The following ADRA1B variants were observed in gnomAD, a reference collection of about 807,000 sequenced individuals.
ADRA1B encodes alpha-1B adrenergic receptor.
Under a neutral mutation model 17.9 loss-of-function variants are expected in ADRA1B, and 17 were observed. The observed-to-expected ratio is 0.95, with a 90% confidence interval of 0.65 to 1.42. The LOEUF is 1.42. ADRA1B is among the 40% of genes most tolerant of loss of function. The probability of loss-of-function intolerance (pLI) is 0.00; values close to 1 mark genes in which losing one functional copy is unlikely to be tolerated. For synonymous variants in ADRA1B, 366 were observed against 327.6 expected (o/e 1.12, Z -1.27); for missense variants, 681 against 722.1 (o/e 0.94, Z 0.65).
At chr5:159,945,399 C>T (rs1755240833) in intron 1 of ADRA1B, among the ~76,000 whole-genome samples, 1 of 152,098 alleles carries the variant, frequency 6.6e-6, no homozygotes, top group Non-Finnish European at 1.5e-5. Context: ...AGAGAGAAAG[C>T]TGCTCGTTGA....
At chr5:159,889,024 C>T (rs961109531) in intron 1 of ADRA1B, among the ~76,000 whole-genome samples, 4 of 152,160 alleles carry the variant, frequency 2.6e-5, no homozygotes, top group African/African-American at 7.2e-5. Flanking sequence ...TGACTGAAGA[C>T]GCAATTGTAA....
intron 1 of ADRA1B, among the ~76,000 whole-genome samples, chr5:159,903,374 T>C (rs1489506852): frequency 1.3e-5 from 2 of 152,208 alleles, no homozygotes; most frequent in African/African-American, 4.8e-5. Context: ...TGACGCAATA[T>C]ACTAAACTGC....
chr5:159,952,283 A>T (rs1223974219), intron 1 of ADRA1B, among the ~76,000 whole-genome samples: 3 of 152,340 alleles, frequency 2.0e-5, no homozygotes, highest in Non-Finnish European at 4.4e-5. Context: ...TAATTTATAA[A>T]TTAGGCACAG....
intron 1 of ADRA1B, among the ~76,000 whole-genome samples, chr5:159,897,265 A>G (rs1754049503): frequency 6.6e-6 from 1 of 152,138 alleles, no homozygotes; most frequent in African/African-American, 2.4e-5. Context: ...AGGTGGGTGG[A>G]TCATGAGGTC....
At position 159,943,631 on chromosome 5, in the gene ADRA1B, T is replaced by A. The variant is rs550495218; in HGVS notation, c.949+25777T>A. ...AAATTCTTTTATGCTTGCTGTAGGC[T>A]GAGCCTCCACTGAGATGATTGAGAA... On this transcript the variant is annotated intron_variant, in intron 1 of 1. Coordinates refer to ENST00000306675, the MANE Select transcript of ADRA1B (RefSeq NM_000679.4). Among the ~76,000 whole-genome samples the A allele has an allele frequency of 2.0e-5, 3 of 152,228 alleles. No homozygotes were observed. In the South Asian group the frequency reaches 6.2e-4, roughly 32 times the overall value.
At chr5:159,926,546 C>T (rs1174410824) in intron 1 of ADRA1B, among the ~76,000 whole-genome samples, 1 of 152,094 alleles carries the variant, frequency 6.6e-6, no homozygotes, top group Admixed American at 6.5e-5. Flanking sequence ...GTATTTGAAC[C>T]TCCCACGGCC....
At chr5:159,965,535 C>T (rs34080879) in intron 1 of ADRA1B, among the ~76,000 whole-genome samples, 7,566 of 152,282 alleles carry the variant, frequency 0.05, 267 homozygotes, top group East Asian at 0.13. Context: ...ACGATCCCTG[C>T]CACACATCCT....
chr5:159,900,347 A>G lies in ADRA1B; in HGVS notation c.-255-15772A>G, dbSNP rs1754088487. On this transcript the variant is annotated intron_variant, in intron 1 of 2. Coordinates refer to the ADRA1B transcript ENST00000641205. ...GCATTGACATCCTTACAGTGCTCCC[A>G]GAAGTGGAATACATCTTTCCGTTTA... Among the ~76,000 whole-genome samples, 3 of 152,226 alleles carry G rather than the reference A, an allele frequency of 2.0e-5. No individual in the cohort carries two copies. In the South Asian group the frequency reaches 6.2e-4, roughly 31 times the overall value.
chr5:159,970,807 C>T (rs1382311813), intron 1 of ADRA1B, among the ~76,000 whole-genome samples: 1 of 152,158 alleles, frequency 6.6e-6, no homozygotes, highest in Non-Finnish European at 1.5e-5. Context: ...TTTTCGTTTT[C>T]GTTGTTGTTT....
intron 1 of ADRA1B, among the ~76,000 whole-genome samples, chr5:159,893,745 G>A (rs1262870813): frequency 6.6e-6 from 1 of 152,180 alleles, no homozygotes; most frequent in Admixed American, 6.5e-5. Flanking sequence ...CAGGCAGTCG[G>A]GGGCTCAACT....
chr5:159,947,318 G>A (rs563851592), intron 1 of ADRA1B, among the ~76,000 whole-genome samples: 2 of 152,028 alleles, frequency 1.3e-5, no homozygotes, highest in East Asian at 3.9e-4. Context: ...CTCTAGCCTG[G>A]GCAACAGAGC....
chr5:159,925,451 C>T (rs186515239), intron 1 of ADRA1B, among the ~76,000 whole-genome samples: 1 of 152,052 alleles, frequency 6.6e-6, no homozygotes, highest in Non-Finnish European at 1.5e-5. Flanking sequence ...ATTTAGAGGA[C>T]TTTTTTACAG....
intron 1 of ADRA1B, among the ~76,000 whole-genome samples, chr5:159,903,842 G>A (rs1358868455): frequency 6.6e-6 from 1 of 152,088 alleles, no homozygotes; most frequent in East Asian, 1.9e-4. Flanking sequence ...AGCTGGAGGG[G>A]AGGGTCCGCC....
At chr5:159,905,037 G>A (rs555694693) in intron 1 of ADRA1B, among the ~76,000 whole-genome samples, 12 of 152,188 alleles carry the variant, frequency 7.9e-5, no homozygotes, top group Non-Finnish European at 1.3e-4. Context: ...ACTATCCAGC[G>A]TTAGCAGGAA....
At chr5:159,893,106 A>T (rs1420162212) in intron 1 of ADRA1B, among the ~76,000 whole-genome samples, 1 of 152,250 alleles carries the variant, frequency 6.6e-6, no homozygotes, top group Non-Finnish European at 1.5e-5. Context: ...AATGGAATTA[A>T]TTAATCAAAC....
At chr5:159,892,830 A>G (rs555686770) in intron 1 of ADRA1B, among the ~76,000 whole-genome samples, 1 of 152,330 alleles carries the variant, frequency 6.6e-6, no homozygotes, top group South Asian at 2.1e-4. Flanking sequence ...AATGATTTCT[A>G]TTCCTTTGGG....
intron 1 of ADRA1B, among the ~76,000 whole-genome samples, chr5:159,963,306 A>ATATATATATATATATATATC (rs1561610064): frequency 6.7e-6 from 1 of 150,080 alleles, no homozygotes; most frequent in African/African-American, 2.5e-5. Context: ...ATATATATAT[A>ATATATATATATATATATATC]TATCCACACA....
At chr5:159,979,966 A>T in the ADRA1B span, among the ~76,000 whole-genome samples, 1 of 152,064 alleles carries the variant, frequency 6.6e-6, no homozygotes, top group East Asian at 1.9e-4. Flanking sequence ...TGGGAAAGGA[A>T]GCCAGAGGCA....
At chr5:159,956,984 T>C (rs1229367523) in intron 1 of ADRA1B, among the ~76,000 whole-genome samples, 1 of 152,104 alleles carries the variant, frequency 6.6e-6, no homozygotes, top group African/African-American at 2.4e-5. Context: ...GCAATTCTCC[T>C]GCTTCAGCCT....
Sources: gnomAD v4.1 joint callset for allele counts (sites outside exome capture counted in the v4.1 genomes callset) on GRCh38, gnomAD v4.1.1 for gene constraint, MANE v1.5 for transcripts, NCBI Gene and HGNC (gene_info 2026-07-23, HGNC 2026-07-21) for gene names.